ABCB5: variants seen among roughly 807,000 people sequenced by gnomAD.
The protein encoded by ABCB5 is ATP-binding cassette sub-family B member 5.
A neutral mutation model predicts 144.2 loss-of-function variants in ABCB5; 155 were observed. That is an observed-to-expected ratio of 1.08 (90% CI 0.94 to 1.23). The LOEUF (loss-of-function observed/expected upper bound fraction) is 1.23. ABCB5 is among the 50% of genes most tolerant of loss of function. The pLI is 0.00. For synonymous variants in ABCB5, 610 were observed against 528.6 expected (o/e 1.15, Z -2.11); for missense variants, 1,830 against 1,520.8 (o/e 1.20, Z -3.38).
At chr7:20,725,815 A>G (rs763205580) in intron 21 of ABCB5, among the ~76,000 whole-genome samples, 2 of 152,082 alleles carry the variant, frequency 1.3e-5, no homozygotes, top group Admixed American at 6.6e-5. Context: ...TTCATATACT[A>G]TGGAATGTTA....
intron 3 of ABCB5, 51 bp from the exon 4 acceptor site, chr7:20,628,637 T>A (rs986220421): frequency 3.8e-6 from 6 of 1,565,850 alleles, no homozygotes; most frequent in Non-Finnish European, 5.2e-6. Flanking sequence ...GTGTGCTTGG[T>A]GTGTTTGTTT....
intron 14 of ABCB5, 62 bp from the exon 15 acceptor site, chr7:20,681,443 A>G: frequency 6.4e-7 from 1 of 1,555,986 alleles, no homozygotes; most frequent in Non-Finnish European, 8.7e-7. Context: ...GATTTCTTAA[A>G]CAGTGCAAAG....
chr7:20,627,265 A>G (rs1340096097), intron 3 of ABCB5, among the ~76,000 whole-genome samples: 2 of 152,196 alleles, frequency 1.3e-5, no homozygotes, highest in Admixed American at 1.3e-4. Context: ...ACTGAATAGT[A>G]GCAGAACATG....
intron 14 of ABCB5, among the ~76,000 whole-genome samples, chr7:20,673,902 T>C (rs1026121934): frequency 4.6e-5 from 7 of 152,012 alleles, no homozygotes; most frequent in Non-Finnish European, 1.0e-4. Context: ...TTTTGTTTTA[T>C]CTCTTTTGTG....
intron 24 of ABCB5, among the ~76,000 whole-genome samples, chr7:20,739,455 A>C (rs938065970): frequency 5.3e-5 from 8 of 152,222 alleles, no homozygotes; most frequent in African/African-American, 1.9e-4. Flanking sequence ...ACTCTGCAAA[A>C]GATAATGTCA....
At position 20,751,427 on chromosome 7, in the gene ABCB5, C is replaced by T. The variant is rs549893635; in HGVS notation, c.3430-1933C>T. Among the ~76,000 whole-genome samples the T allele has an allele frequency of 2.8e-4, 43 of 151,986 alleles. No homozygotes were observed. The East Asian group carries it at 7.7e-3, about 27-fold the overall frequency. On this transcript the variant is annotated intron_variant, in intron 26 of 27. Coordinates refer to ENST00000404938, the MANE Select transcript of ABCB5 (RefSeq NM_001163941.2). ...CGGAGCTTGCAGTGAGCCGAGATCG[C>T]GTCACTGCACTCCAGCCTGGGCTAC... is the stretch of plus-strand genomic sequence containing the variant.
At chr7:20,740,996 G>A (rs1189138728) in intron 24 of ABCB5, among the ~76,000 whole-genome samples, 2 of 151,688 alleles carry the variant, frequency 1.3e-5, no homozygotes, top group Admixed American at 6.6e-5. Flanking sequence ...CCAGCTGCTC[G>A]GGAGGCCGAG....
At chr7:20,713,991 A>T (rs991146246) in intron 20 of ABCB5, among the ~76,000 whole-genome samples, 11 of 152,156 alleles carry the variant, frequency 7.2e-5, no homozygotes, top group Non-Finnish European at 1.6e-4. Flanking sequence ...TTGCACTGCC[A>T]CCTGGAAACT....
intron 5 of ABCB5, among the ~76,000 whole-genome samples, chr7:20,634,781 G>T (rs1327943368): frequency 2.0e-5 from 3 of 151,858 alleles, no homozygotes; most frequent in Non-Finnish European, 2.9e-5. Flanking sequence ...TGAGGTGTTT[G>T]GGTTCCTTGT....
intron 19 of ABCB5, among the ~76,000 whole-genome samples, chr7:20,703,829 T>C (rs528857383): frequency 2.0e-5 from 3 of 152,158 alleles, no homozygotes; most frequent in East Asian, 3.9e-4. Context: ...TATACTTTTA[T>C]TGCTTGTAAT....
rs1562549609 is a variant in ABCB5 at position 20,665,768 on chromosome 7, G to GATATAC, written c.1707+7095_1707+7096insTACATA. On this transcript the variant is annotated intron_variant, in intron 14 of 27. Transcript: ENST00000404938. ...ATAGATAGATAGATAGATAGATAGA[G>GATATAC]ATACATACATACATACATACATACA... is the stretch of plus-strand genomic sequence containing the variant. Among the ~76,000 whole-genome samples the GATATAC allele has an allele frequency of 4.0e-5, 5 of 125,432 alleles. No homozygotes were observed. The Admixed American group carries it at 4.1e-4, about 10-fold the overall frequency. 82.3% of individuals were successfully genotyped at this position (125,432 alleles called of 152,430 possible). A position where few individuals can be genotyped will look rare whatever the true frequency, so the allele number is the denominator to read the frequency against.
chr7:20,669,528 A>G (rs1235060892), intron 14 of ABCB5, among the ~76,000 whole-genome samples: 2 of 101,636 alleles, frequency 2.0e-5, no homozygotes, highest in African/African-American at 8.7e-5. Context: ...GCTTGAAGGC[A>G]GCATGCTCGT....
chr7:20,733,624 C>CTCTTTTCTTT (rs71555818), intron 23 of ABCB5, among the ~76,000 whole-genome samples: 1 of 151,078 alleles, frequency 6.6e-6, no homozygotes, highest in East Asian at 2.0e-4. Flanking sequence ...CACTTTTCTT[C>CTCTTTTCTTT]TCTTTTCTTT....
Position 20,643,262 on chromosome 7 carries a change from T to A in ABCB5, c.393T>A (p.Thr131=), listed in dbSNP as rs774068423. The A allele has an allele frequency of 6.2e-7, 1 of 1,613,876 alleles. No individual in the cohort carries two copies. The highest frequency in any genetic ancestry group is 8.5e-7 in the Non-Finnish European group (1 of 1,179,832). ...GYIQISLWII[T]AARQTKRIRK... ...TACAGATTTCCTTGTGGATTATAAC[T>A]GCAGCACGACAGACCAAGAGGATTC... Residue 131 remains threonine, a synonymous_variant, in exon 6 of 28, where the codon ACT becomes ACA. Coordinates refer to ENST00000404938, the MANE Select transcript of ABCB5 (RefSeq NM_001163941.2).
chr7:20,644,619 C>T (rs185105832), intron 7 of ABCB5, among the ~76,000 whole-genome samples: 1 of 152,256 alleles, frequency 6.6e-6, no homozygotes, highest in Admixed American at 6.5e-5. Context: ...TAATATTATT[C>T]TTCAAATCAT....
intron 2 of ABCB5, among the ~76,000 whole-genome samples, chr7:20,623,859 A>G (rs1033897971): frequency 1.3e-5 from 2 of 152,192 alleles, no homozygotes; most frequent in Admixed American, 6.5e-5. Context: ...TAATTGTGTT[A>G]TATTTGGACA....
At chr7:20,704,976 A>G (rs1471589767) in intron 20 of ABCB5, among the ~76,000 whole-genome samples, 169 bp downstream of exon 20, 6 of 152,196 alleles carry the variant, frequency 3.9e-5, no homozygotes, top group Admixed American at 3.9e-4. Flanking sequence ...GATGAAAGGA[A>G]GACTTTCCGT....
intron 20 of ABCB5, among the ~76,000 whole-genome samples, chr7:20,716,758 G>A (rs911455002): frequency 4.6e-5 from 7 of 152,176 alleles, no homozygotes; most frequent in African/African-American, 1.7e-4. Flanking sequence ...GAAAACAGGA[G>A]CCCTTGTCAT....
intron 1 of ABCB5, among the ~76,000 whole-genome samples, chr7:20,617,244 T>G (rs183906097): frequency 6.6e-6 from 1 of 152,268 alleles, no homozygotes; most frequent in Admixed American, 6.5e-5. Context: ...AATGAGTAAA[T>G]TTTTTTAAAA....
Sources: allele counts gnomAD v4.1 joint callset (sites outside exome capture counted in the v4.1 genomes callset), GRCh38; gene constraint gnomAD v4.1.1; transcripts MANE v1.5; gene names NCBI Gene and HGNC (gene_info 2026-07-23, HGNC 2026-07-21).